ASAP1: variants seen among roughly 807,000 people sequenced by gnomAD.
ASAP1 encodes the protein arf-GAP with SH3 domain, ANK repeat and PH domain-containing protein 1.
In ASAP1, 43 loss-of-function variants were observed where a neutral mutation model predicts 145.2. That is an observed-to-expected ratio of 0.30 (90% CI 0.23 to 0.38). ASAP1 has a LOEUF of 0.38. ASAP1 is among the 10% of genes least tolerant of loss of function. The pLI is 1.00. For synonymous variants in ASAP1, 546 were observed against 515.5 expected, an observed-to-expected ratio of 1.06 and a Z score of -0.80; for missense variants, 1,018 against 1,355.3, an observed-to-expected ratio of 0.75 and a Z score of 3.91.
intron 1 of ASAP1, among the ~76,000 whole-genome samples, chr8:130,403,913 C>T (rs1165984454): frequency 6.6e-6 from 1 of 152,098 alleles, no homozygotes. Flanking sequence ...AGGTCCTTTG[C>T]CCATGTTGTT....
chr8:130,368,168 T>C (rs1268203961), intron 2 of ASAP1, among the ~76,000 whole-genome samples: 1 of 152,220 alleles, frequency 6.6e-6, no homozygotes, highest in Non-Finnish European at 1.5e-5. Flanking sequence ...TTTTTTGCTC[T>C]GGCCTTAGAG....
intron 3 of ASAP1, among the ~76,000 whole-genome samples, chr8:130,256,761 A>ATATATATATATATATATT (rs1819581164): frequency 2.0e-5 from 2 of 98,152 alleles, no homozygotes; most frequent in African/African-American, 6.9e-5. Flanking sequence ...ATATATATAT[A>ATATATATATATATATATT]TATATATATA....
chr8:130,149,460 C>T (rs1429574638), intron 13 of ASAP1, among the ~76,000 whole-genome samples: 5 of 152,034 alleles, frequency 3.3e-5, no homozygotes, highest in Non-Finnish European at 5.9e-5. Context: ...ATGTATTTCT[C>T]TTTAGAACAG....
intron 3 of ASAP1, among the ~76,000 whole-genome samples, chr8:130,275,961 C>T (rs16904234): frequency 0.02 from 3,079 of 152,170 alleles, 100 homozygotes; most frequent in African/African-American, 0.069. Flanking sequence ...TGATAATGAC[C>T]GGACTTCATC....
chr8:130,303,945 T>C (rs1235008821), intron 3 of ASAP1, among the ~76,000 whole-genome samples: 1 of 152,220 alleles, frequency 6.6e-6, no homozygotes, highest in Non-Finnish European at 1.5e-5. Flanking sequence ...TCATGGTTAA[T>C]GAATCAGTAT....
At chr8:130,240,376 T>A (rs777893113) in intron 3 of ASAP1, among the ~76,000 whole-genome samples, 1 of 152,148 alleles carries the variant, frequency 6.6e-6, no homozygotes, top group African/African-American at 2.4e-5. Context: ...AAGAGCCTCA[T>A]GTTTTAGAGA....
Position 130,415,980 on chromosome 8 carries a change from G to A in ASAP1, c.-27-14010C>T, listed in dbSNP as rs539176097. ...AATTTTACTGCCTGTAAACTTAGAA[G>A]GATCAACCAATTTCCACAAGACTCC... On this transcript the variant is annotated intron_variant, in intron 1 of 29. Transcript: ENST00000518721. 4.6e-5 allele frequency among the ~76,000 whole-genome samples: 7 copies of A among 152,206 alleles called. No homozygotes were observed. In the South Asian group the frequency reaches 1.5e-3, roughly 32 times the overall value.
At chr8:130,344,074 A>T (rs1230921622) in intron 3 of ASAP1, among the ~76,000 whole-genome samples, 1 of 152,244 alleles carries the variant, frequency 6.6e-6, no homozygotes, top group African/African-American at 2.4e-5. Context: ...TTAAGAGTAG[A>T]CTGTAGCTTA....
chr8:130,167,249 GC>G (rs143421870), intron 11 of ASAP1, among the ~76,000 whole-genome samples: 1,524 of 151,904 alleles, frequency 0.01, 14 homozygotes, highest in South Asian at 0.035. Context: ...CCATAAGTGT[GC>G]CTGCCGCCTC....
intron 4 of ASAP1, among the ~76,000 whole-genome samples, chr8:130,228,325 C>T (rs1390379680): frequency 1.3e-5 from 2 of 152,076 alleles, no homozygotes; most frequent in Non-Finnish European, 2.9e-5. Flanking sequence ...AAAGCATCAC[C>T]CTCAAATGTG....
intron 18 of ASAP1, among the ~76,000 whole-genome samples, chr8:130,123,245 T>C (rs763943075): frequency 6.6e-6 from 1 of 152,216 alleles, no homozygotes; most frequent in Non-Finnish European, 1.5e-5. Context: ...TTGGTAAATA[T>C]GGTTAATTTG....
Position 130,072,824 on chromosome 8 carries a change from T to TGCGCGC in ASAP1, c.2701+3518_2701+3523dup, listed in dbSNP as rs71303498. On this transcript the variant is annotated intron_variant, in intron 27 of 29. Transcript: ENST00000518721. ...GTGTGTGTGTGTGTGTGTGTGTGTGTGCGCGCGGGGGGGGGCAGTTTTGGG... is the reference window on the plus strand; with the variant it reads ...GTGTGTGTGTGTGTGTGTGTGTGTGTGCGCGCGCGCGCGGGGGGGGGCAGTTTTGGG... Among the ~76,000 whole-genome samples the TGCGCGC allele has an allele frequency of 4.9e-3, 157 of 32,088 alleles. 3 individuals carry two copies. The highest frequency in any genetic ancestry group is 0.012 in the East Asian group (5 of 406). The allele number at this position is 32,088 out of a possible 152,430, so 21.1% of individuals were successfully genotyped here. A position where few individuals can be genotyped will look rare whatever the true frequency, so the allele number is the denominator to read the frequency against.
chr8:130,079,349 C>T (rs1448189835), intron 26 of ASAP1, among the ~76,000 whole-genome samples: 2 of 151,894 alleles, frequency 1.3e-5, no homozygotes, highest in East Asian at 3.9e-4. Flanking sequence ...ATAAAAACTG[C>T]CCGTAAGAGA....
chr8:130,278,378 GA>G (rs138858386), intron 3 of ASAP1, among the ~76,000 whole-genome samples: 5 of 145,506 alleles, frequency 3.4e-5, no homozygotes, highest in Admixed American at 6.8e-5. Context: ...TGTGCTAAAT[GA>G]AAAAAAAAAG....
intron 9 of ASAP1, among the ~76,000 whole-genome samples, chr8:130,175,674 TA>T (rs1175809861): frequency 6.6e-6 from 1 of 152,222 alleles, no homozygotes; most frequent in African/African-American, 2.4e-5. Context: ...AAGTCCAATT[TA>T]TATTTTTATT....
chr8:130,106,786 A>C (rs1287332737), intron 24 of ASAP1, among the ~76,000 whole-genome samples: 1 of 152,106 alleles, frequency 6.6e-6, no homozygotes, highest in Non-Finnish European at 1.5e-5. Flanking sequence ...GACTTCCCTA[A>C]TCCTCTCTCT....
At position 130,237,033 on chromosome 8, in the gene ASAP1, T is replaced by C. The variant is rs769863970; in HGVS notation, c.187-39A>G. Reference sequence around the variant, plus strand: ...AAGGGGGAAAAGATATTAGAAGATTTGGTAAATTAAAAAAATAATAAGAAA... The same window carrying C: ...AAGGGGGAAAAGATATTAGAAGATTCGGTAAATTAAAAAAATAATAAGAAA... On this transcript the variant is annotated intron_variant, in intron 3 of 29. Coordinates refer to ENST00000518721, the MANE Select transcript of ASAP1 (RefSeq NM_018482.4). 4 of 1,446,344 alleles carry C rather than the reference T, an allele frequency of 2.8e-6. No homozygotes were observed. In the African/African-American group the frequency reaches 4.3e-5, roughly 16 times the overall value. The allele number at this position is 1,446,344 out of a possible 1,614,324, so 89.6% of individuals were successfully genotyped here.
At chr8:130,369,962 A>G (rs1305454133) in intron 2 of ASAP1, among the ~76,000 whole-genome samples, 1 of 152,222 alleles carries the variant, frequency 6.6e-6, no homozygotes, top group Non-Finnish European at 1.5e-5. Flanking sequence ...AGAGGTAATT[A>G]AGTCATGAGG....
intron 24 of ASAP1, among the ~76,000 whole-genome samples, chr8:130,107,183 CT>C (rs34978580): frequency 1.5e-3 from 176 of 119,642 alleles, no homozygotes; most frequent in Non-Finnish European, 2.0e-3. Flanking sequence ...TCTTCTTCTT[CT>C]TTTTTTTTTT....
Sources: allele counts gnomAD v4.1 joint callset (sites outside exome capture counted in the v4.1 genomes callset), GRCh38; gene constraint gnomAD v4.1.1; transcripts MANE v1.5; gene names NCBI Gene and HGNC (gene_info 2026-07-23, HGNC 2026-07-21).